The following TDRD9 variants were observed in gnomAD, a reference collection of about 807,000 sequenced individuals.
TDRD9 encodes the protein ATP-dependent RNA helicase TDRD9.
A neutral mutation model predicts 172.6 loss-of-function variants in TDRD9; 124 were observed. The ratio of observed to expected loss-of-function variants is 0.72; its 90% CI spans 0.62 to 0.83. The LOEUF is 0.83. TDRD9 is among the 40% of genes least tolerant of loss of function. The pLI is 0.00. For missense variants in TDRD9, 1,479 were observed against 1,714.1 expected (o/e 0.86, Z 2.42); for synonymous variants, 619 against 617.1 (o/e 1.00, Z -0.05).
intron 8 of TDRD9, among the ~76,000 whole-genome samples, chr14:103,990,288 G>A (rs1160107553): frequency 6.6e-5 from 10 of 152,246 alleles, no homozygotes; most frequent in African/African-American, 2.4e-4. Flanking sequence ...AGGGAGAGAT[G>A]GAGGAGCAGC....
At chr14:103,994,200 G>A in intron 9 of TDRD9, 132 bp from the exon 10 acceptor site, 1 of 752,838 alleles carries the variant, frequency 1.3e-6, no homozygotes, top group Non-Finnish European at 2.3e-6. Flanking sequence ...GCATATTTAG[G>A]CAAAGAGGAT....
At position 103,980,859 on chromosome 14, in the gene TDRD9, G is replaced by A. The variant is rs548454100; in HGVS notation, c.1011+5306G>A. Among the ~76,000 whole-genome samples, 10 of 152,178 alleles carry A rather than the reference G, an allele frequency of 6.6e-5. No homozygotes were observed. The highest frequency in any genetic ancestry group is 2.2e-4 in the African/African-American group (9 of 41,508). On this transcript the variant is annotated intron_variant, in intron 7 of 35. Transcript: ENST00000409874. The surrounding 1 kb of genome is among the most constrained non-coding windows in gnomAD (Gnocchi z 4.5). ...CCTGTCCGGGCATAACAGAAGGCTC[G>A]CACTCTTGTCTTCTGGTCACTTCTC...
chr14:104,014,566 T>G (rs1186266582), intron 20 of TDRD9, among the ~76,000 whole-genome samples, 159 bp from the exon 21 acceptor site: 4 of 152,094 alleles, frequency 2.6e-5, no homozygotes, highest in Non-Finnish European at 5.9e-5. Flanking sequence ...GAGGTGTGAG[T>G]CACCGTGCAC....
chr14:103,933,638 G>A (rs1567195052), intron 1 of TDRD9, among the ~76,000 whole-genome samples: 1 of 152,136 alleles, frequency 6.6e-6, no homozygotes, highest in Non-Finnish European at 1.5e-5. Flanking sequence ...AAACTCCTGA[G>A]CTCAAGCAAT....
intron 5 of TDRD9, 75 bp downstream of exon 5, chr14:103,966,906 T>C: frequency 7.7e-7 from 1 of 1,296,788 alleles, no homozygotes. Context: ...GTGAACCCTG[T>C]CTTTGTGCCT....
intron 1 of TDRD9, among the ~76,000 whole-genome samples, chr14:103,934,014 G>A (rs1238707380): frequency 6.6e-6 from 1 of 151,684 alleles, no homozygotes; most frequent in Non-Finnish European, 1.5e-5. Context: ...CCTATTTTCT[G>A]TTCACCCACA....
intron 22 of TDRD9, 37 bp from the exon 23 acceptor site, chr14:104,018,055 C>G (rs777327944): frequency 1.6e-6 from 2 of 1,244,654 alleles, no homozygotes; most frequent in Non-Finnish European, 2.3e-6. Flanking sequence ...TTTGTTAGCT[C>G]TAGTAATCTG....
intron 2 of TDRD9, among the ~76,000 whole-genome samples, chr14:103,958,570 G>GT (rs1175763652): frequency 1.3e-5 from 2 of 152,196 alleles, no homozygotes; most frequent in African/African-American, 2.4e-5. Flanking sequence ...TCATCACAGG[G>GT]TTTTTCCTAG....
At chr14:103,982,654 C>T (rs2033518530) in intron 7 of TDRD9, among the ~76,000 whole-genome samples, 1 of 152,108 alleles carries the variant, frequency 6.6e-6, no homozygotes, top group Non-Finnish European at 1.5e-5. Flanking sequence ...GCCTGTAATC[C>T]CAGCACTTTG....
chr14:103,964,770 G>A (rs1443762309), intron 3 of TDRD9, among the ~76,000 whole-genome samples: 2 of 152,252 alleles, frequency 1.3e-5, no homozygotes, highest in African/African-American at 2.4e-5. Context: ...TGATCCGCCC[G>A]CCTTGGCCTC....
At chr14:103,998,935 G>T (rs2034158630) in intron 13 of TDRD9, among the ~76,000 whole-genome samples, 1 of 152,150 alleles carries the variant, frequency 6.6e-6, no homozygotes, top group South Asian at 2.1e-4. Flanking sequence ...TGGGACTACA[G>T]GCGCCTGCCA....
Position 104,004,233 on chromosome 14 carries a change from T to C in TDRD9, c.1484-5T>C, listed in dbSNP as rs2034358683. 3.9e-6 allele frequency: 6 copies of C among 1,547,736 alleles called. No homozygotes were observed. The highest frequency in any genetic ancestry group is 1.2e-5 in the South Asian group (1 of 84,506). On this transcript the variant is annotated splice_polypyrimidine_tract_variant and splice_region_variant and intron_variant, in intron 13 of 35. Coordinates refer to ENST00000409874, the MANE Select transcript of TDRD9 (RefSeq NM_153046.3). ...AAACACTGTTTGCACATCTCTCCTT[T>C]GAAGGCCGTGCTGGACGAGTGTCTA...
rs368783260 is a variant in TDRD9, at chr14:103,928,819, G to A, written c.215+95G>A. 9 of 358,026 alleles carry A rather than the reference G, an allele frequency of 2.5e-5. No homozygotes were observed. In the South Asian group the frequency reaches 5.3e-4, roughly 21 times the overall value. 22.2% of individuals were successfully genotyped at this position (358,026 alleles called of 1,614,324 possible). A position where few individuals can be genotyped will look rare whatever the true frequency, so the allele number is the denominator to read the frequency against. ...ATCCAGATCCTTCTCGCGAGCCCGT[G>A]CCCTCTCGCGGGGCTCCAGGGACCC... On this transcript the variant is annotated intron_variant, in intron 1 of 35. Transcript: ENST00000409874.
chr14:104,040,397 A>C, intron 33 of TDRD9, 63 bp downstream of exon 33: 1 of 1,451,892 alleles, frequency 6.9e-7, no homozygotes. Context: ...CTTACCTGAC[A>C]GTGAGTGCAG....
intron 1 of TDRD9, among the ~76,000 whole-genome samples, chr14:103,931,908 G>A (rs921015411): frequency 6.6e-6 from 1 of 152,170 alleles, no homozygotes; most frequent in African/African-American, 2.4e-5. Context: ...CATGAGAATG[G>A]AATATGGGCA....
At chr14:103,970,690 T>C in intron 6 of TDRD9, 69 bp downstream of exon 6, 2 of 1,291,378 alleles carry the variant, frequency 1.5e-6, no homozygotes, top group Non-Finnish European at 2.2e-6. Context: ...TGTTTCTCTC[T>C]ATAGTCTGTT....
chr14:103,948,569 A>G (rs183843165), intron 1 of TDRD9, among the ~76,000 whole-genome samples: 1 of 152,330 alleles, frequency 6.6e-6, no homozygotes, highest in Admixed American at 6.5e-5. Flanking sequence ...ATTATTCACA[A>G]TAGCTAAAAC....
At chr14:104,032,183 G>T in intron 30 of TDRD9, 96 bp downstream of exon 30, 1 of 747,032 alleles carries the variant, frequency 1.3e-6, no homozygotes, top group Non-Finnish European at 2.1e-6. Context: ...CTAAACTGTT[G>T]GAATGTGTTA....
intron 20 of TDRD9, 92 bp from the exon 21 acceptor site, chr14:104,014,633 C>A: frequency 2.9e-6 from 2 of 701,408 alleles, no homozygotes; most frequent in South Asian, 3.3e-5. Context: ...TGTGTTTATA[C>A]TTTACCCGTT....
Sources: allele counts gnomAD v4.1 joint callset (sites outside exome capture counted in the v4.1 genomes callset), GRCh38; gene constraint gnomAD v4.1.1; non-coding constraint Gnocchi (gnomAD v3.1); transcripts MANE v1.5; gene names NCBI Gene and HGNC (gene_info 2026-07-23, HGNC 2026-07-21).